The following WRN variants were observed in gnomAD, a reference collection of about 807,000 sequenced individuals.
WRN encodes bifunctional 3'-5' exonuclease/ATP-dependent helicase WRN.
A neutral mutation model predicts 180.7 loss-of-function variants in WRN; 149 were observed. That is an observed-to-expected ratio of 0.82 (90% CI 0.72 to 0.94). The LOEUF is 0.94. Among genes scored for constraint, WRN ranks in the 40% least tolerant of loss-of-function variants. WRN has a pLI of 0.00. For missense variants in WRN, 1,661 were observed against 1,700.1 expected (o/e 0.98, Z 0.40); for synonymous variants, 548 against 568.9 (o/e 0.96, Z 0.52).
chr8:31,159,903 C>T (rs1203933859), intron 33 of WRN, among the ~76,000 whole-genome samples: 1 of 148,800 alleles, frequency 6.7e-6, no homozygotes, highest in Non-Finnish European at 1.5e-5. Context: ...CGAGATCATG[C>T]CACTGCACTT....
intron 17 of WRN, among the ~76,000 whole-genome samples, chr8:31,099,094 A>G (rs1174945724): frequency 6.6e-6 from 1 of 151,604 alleles, no homozygotes; most frequent in African/African-American, 2.4e-5. Context: ...GAGAGAAGGA[A>G]GGAAGGGAGA....
At chr8:31,037,384 A>G (rs1424981990) in intron 1 of WRN, among the ~76,000 whole-genome samples, 1 of 152,208 alleles carries the variant, frequency 6.6e-6, no homozygotes, top group African/African-American at 2.4e-5. Flanking sequence ...CCTGCTGCTC[A>G]CCTACTGCTT....
intron 10 of WRN, among the ~76,000 whole-genome samples, chr8:31,084,417 T>TA (rs970959358): frequency 1.3e-5 from 2 of 152,138 alleles, no homozygotes; most frequent in African/African-American, 4.8e-5. Flanking sequence ...AACTTTTTTT[T>TA]AAAAAAAGAA....
At chr8:31,066,394 G>C (rs1173642680) in intron 5 of WRN, among the ~76,000 whole-genome samples, 1 of 151,584 alleles carries the variant, frequency 6.6e-6, no homozygotes, top group Admixed American at 6.6e-5. Flanking sequence ...CACCGTGTTA[G>C]CCAGGATGGT....
At chr8:31,052,198 T>C (rs1812101972) in intron 1 of WRN, among the ~76,000 whole-genome samples, 2 of 152,206 alleles carry the variant, frequency 1.3e-5, no homozygotes. Context: ...TATTTTCCCA[T>C]TTTATTGACA....
In WRN at chr8:31,150,447, A is replaced by T. The variant is rs1563382585; in HGVS notation, c.3679A>T (p.Ser1227Cys). The change falls in exon 31 of 35, where the codon AGT (serine) becomes TGT (cysteine). Residue 1227 changes from serine (S) to cysteine (C), a missense_variant. Around this residue, in one of 3 missense-constraint regions of WRN, gnomAD observed 1,141 missense variants for 1,149.4 expected, o/e 0.99. Coordinates refer to ENST00000298139, the MANE Select transcript of WRN (RefSeq NM_000553.6). ...CATCAAACATTTCTGCCAAACAAAT[A>T]GTGTTCAGGTAAAATACTGTGGTTT... is the stretch of plus-strand genomic sequence containing the variant. The part of the protein sequence containing the change: ...EVIKHFCQTN[S>C]VQTDLFSSTK... The T allele has an allele frequency of 6.2e-7, 1 of 1,614,140 alleles. No homozygotes were observed. The highest frequency in any genetic ancestry group is 8.5e-7 in the Non-Finnish European group (1 of 1,179,978).
At position 31,058,475 on chromosome 8, in the gene WRN, G is replaced by A. The variant is rs888468405; in HGVS notation, c.28G>A (p.Ala10Thr). The A allele has an allele frequency of 1.2e-6, 2 of 1,613,674 alleles. No individual in the cohort carries two copies. Among genetic ancestry groups the A allele is most frequent in the African/African-American group, 1.3e-5 (1 of 75,034 alleles). MSEKKLETTAQQRKCPEWMN... is the reference protein window; with the variant it reads MSEKKLETTTQQRKCPEWMN... ...GAGTGAAAAAAAATTGGAAACAACT[G>A]CACAGCAGCGGAAATGTCCTGAATG... Residue 10 changes from alanine to threonine, a missense_variant, in exon 2 of 35, where the codon GCA becomes ACA. Transcript: ENST00000298139.
In WRN at chr8:31,147,357, TG is replaced by T. The variant is rs760387070; in HGVS notation, c.3460-6del. 9 of 1,613,376 alleles carry T rather than the reference TG, an allele frequency of 5.6e-6. No homozygotes were observed. The Admixed American group carries it at 1.5e-4, about 27-fold the overall frequency. ...TAAAAAGTGTTGTTTCTTTGTTTTTTGTTCAGATTGTGTTATATGGCAAATT... is the reference window on the plus strand; with the variant it reads ...TAAAAAGTGTTGTTTCTTTGTTTTTTTTCAGATTGTGTTATATGGCAAATT... On this transcript the variant is annotated splice_polypyrimidine_tract_variant and splice_region_variant and intron_variant, in intron 29 of 34. Transcript: ENST00000298139.
chr8:31,141,635 T>C, intron 25 of WRN, 35 bp downstream of exon 25: 1 of 1,614,136 alleles, frequency 6.2e-7, no homozygotes, highest in Non-Finnish European at 8.5e-7. Flanking sequence ...TTTGACTTAA[T>C]TTTGTTTCCC....
chr8:31,096,714 A>G, intron 16 of WRN, 54 bp from the exon 17 acceptor site: 2 of 1,363,500 alleles, frequency 1.5e-6, no homozygotes, highest in Non-Finnish European at 2.0e-6. Flanking sequence ...TATTGTTAAT[A>G]TGTTTCCCTT....
chr8:31,076,091 C>T, intron 7 of WRN, 82 bp from the exon 8 acceptor site: 1 of 1,127,790 alleles, frequency 8.9e-7, no homozygotes, highest in East Asian at 2.4e-5. Flanking sequence ...AAATTTGATC[C>T]CTAATATTAT....
rs1813704662 is a variant in WRN, at chr8:31,090,502, A to G, written c.1690A>G (p.Arg564Gly). The change falls in exon 14 of 35, where the codon AGA becomes GGA. Residue 564 changes from arginine (R) to glycine (G), a missense_variant. Arg to Gly is a moderately radical substitution (Grantham distance 125). This residue lies in a region of WRN where 1,141 missense variants were observed against 1,149.4 expected (regional missense o/e 0.99). Coordinates refer to ENST00000298139, the MANE Select transcript of WRN (RefSeq NM_000553.6). ...AGTGATTCATTCAGTATTAGAAGAA[A>G]GAAGAGATAATGTTGCTGTCATGGC... ...WKVIHSVLEE[R>G]RDNVAVMATG... is the part of the protein sequence containing the mutation. The G allele has an allele frequency of 2.5e-6, 4 of 1,612,212 alleles. No homozygotes were observed. Among genetic ancestry groups the G allele is most frequent in the Non-Finnish European group, 3.4e-6 (4 of 1,178,798 alleles).
chr8:31,078,521 G>T (rs1813181531), intron 8 of WRN, among the ~76,000 whole-genome samples: 1 of 152,216 alleles, frequency 6.6e-6, no homozygotes, highest in Admixed American at 6.5e-5. Context: ...TCACATGACA[G>T]TAGGTGGAAG....
intron 18 of WRN, among the ~76,000 whole-genome samples, chr8:31,103,776 C>A (rs901345942): frequency 1.3e-5 from 2 of 151,792 alleles, no homozygotes; most frequent in Non-Finnish European, 2.9e-5. Flanking sequence ...GTTCTGTCAC[C>A]CTGGCTGGAA....
chr8:31,067,648 C>A lies in WRN; in HGVS notation c.654+466C>A, dbSNP rs1439098565. Reference sequence around the variant, plus strand: ...TGCCTCCAAATTTAGCTTGTTGCTGCCATTAGATATATTTTTATATTTACA... The same window carrying A: ...TGCCTCCAAATTTAGCTTGTTGCTGACATTAGATATATTTTTATATTTACA... On this transcript the variant is annotated intron_variant, in intron 6 of 34. Transcript: ENST00000298139. 4.6e-5 allele frequency among the ~76,000 whole-genome samples: 7 copies of A among 152,096 alleles called. No homozygotes were observed. The East Asian group carries it at 1.4e-3, about 29-fold the overall frequency.
chr8:31,121,636 TATATAA>T lies in WRN; in HGVS notation c.2630+1213_2630+1218del, dbSNP rs549153376. ...GGGAAATTGCACTGAGTAGTAAGAA[TATATAA>T]TGGTGTGTGGTATTTCCCAAGTTAA... On this transcript the variant is annotated intron_variant, in intron 21 of 34. Coordinates refer to ENST00000298139, the MANE Select transcript of WRN (RefSeq NM_000553.6). 4.9e-3 allele frequency among the ~76,000 whole-genome samples: 741 copies of T among 152,102 alleles called. 6 individuals are homozygous for T. Among genetic ancestry groups the T allele is most frequent in the African/African-American group, 0.016 (674 of 41,528 alleles).
At chr8:31,044,085 A>G (rs1585386343) in intron 1 of WRN, among the ~76,000 whole-genome samples, 1 of 151,844 alleles carries the variant, frequency 6.6e-6, no homozygotes, top group Admixed American at 6.6e-5. Context: ...TCTGTCGCCC[A>G]GGCTGGAGTG....
chr8:31,164,934 C>G (rs2130507567), intron 33 of WRN, among the ~76,000 whole-genome samples: 1 of 152,128 alleles, frequency 6.6e-6, no homozygotes, highest in South Asian at 2.1e-4. Flanking sequence ...ATATAAAACG[C>G]AGGATGAATT....
At chr8:31,052,602 G>C (rs1324844929) in intron 1 of WRN, among the ~76,000 whole-genome samples, 1 of 152,126 alleles carries the variant, frequency 6.6e-6, no homozygotes, top group Non-Finnish European at 1.5e-5. Flanking sequence ...GCCCAGGCTG[G>C]TCTCGAACCC....
Sources: allele counts gnomAD v4.1 joint callset (sites outside exome capture counted in the v4.1 genomes callset), GRCh38; gene constraint gnomAD v4.1.1; regional missense constraint gnomAD v4.1.1; transcripts MANE v1.5; gene names NCBI Gene and HGNC (gene_info 2026-07-23, HGNC 2026-07-21).